DNAH11: variants seen among roughly 807,000 people sequenced by gnomAD.
DNAH11 encodes dynein axonemal heavy chain 11.
DNAH11 carries 442 observed loss-of-function variants against 526.0 expected under a neutral mutation model. That is an observed-to-expected ratio of 0.84 (90% confidence interval 0.78 to 0.91). DNAH11 has a LOEUF of 0.91. Among genes scored for constraint, DNAH11 ranks in the 40% least tolerant of loss-of-function variants. DNAH11 has a pLI of 0.00. For synonymous variants in DNAH11, 2,461 were observed against 1,935.9 expected (o/e 1.27, Z -7.12); for missense variants, 6,989 against 5,448.7 (o/e 1.28, Z -8.90).
At chr7:21,697,820 T>G (rs138829238) in intron 35 of DNAH11, among the ~76,000 whole-genome samples, 399 of 152,332 alleles carry the variant, frequency 2.6e-3, no homozygotes, top group African/African-American at 9.1e-3. Context: ...GTTTACAGAA[T>G]GTATTCATGG....
intron 69 of DNAH11, among the ~76,000 whole-genome samples, chr7:21,863,712 T>C (rs1350120860): frequency 6.6e-6 from 1 of 152,238 alleles, no homozygotes; most frequent in Non-Finnish European, 1.5e-5. Context: ...GCCATAGCTA[T>C]ATCATAATCT....
Position 21,778,986 on chromosome 7 carries a change from C to G in DNAH11, c.9365C>G (p.Ser3122Cys), listed in dbSNP as rs1200687831. The change falls in exon 57 of 82, where the codon TCT becomes TGT. Residue 3122 changes from serine (S) to cysteine (C), a missense_variant. Transcript: ENST00000409508. ...QVGDLKARLA[S>C]QEAELQLRNH... is the part of the protein sequence containing the mutation. ...GGAGATCTAAAAGCCAGACTTGCCT[C>G]TCAAGAAGCCGAGCTGCAACTGAGA... 2.5e-6 allele frequency: 4 copies of G among 1,613,196 alleles called. No homozygotes were observed. Among genetic ancestry groups the G allele is most frequent in the Non-Finnish European group, 3.4e-6 (4 of 1,179,494 alleles).
In DNAH11 at chr7:21,687,484, C is replaced by G. The variant is rs763100320; in HGVS notation, c.5881C>G (p.Gln1961Glu). Residue 1961 changes from glutamine (Q) to glutamate (E), a missense_variant, in exon 34 of 82, where the codon CAA becomes GAA. Coordinates refer to ENST00000409508, the MANE Select transcript of DNAH11 (RefSeq NM_001277115.2). ...SVEVLSVVAV[Q>E]VKMIHDAIRN... The stretch of plus-strand genomic sequence containing the variant: ...GGAAGTTCTGTCAGTGGTGGCAGTA[C>G]AAGTGAAAATGATTCATGATGCCAT... 7 of 1,613,640 alleles carry G rather than the reference C, an allele frequency of 4.3e-6. No individual in the cohort carries two copies. The highest frequency in any genetic ancestry group is 5.1e-6 in the Non-Finnish European group (6 of 1,179,824).
chr7:21,890,554 A>G (rs970583438), intron 76 of DNAH11, among the ~76,000 whole-genome samples: 4 of 152,218 alleles, frequency 2.6e-5, no homozygotes, highest in Non-Finnish European at 4.4e-5. Flanking sequence ...GCACAAACAG[A>G]GAAGACCAAC....
rs750882575 is a variant in DNAH11 at position 21,818,293 on chromosome 7, C to A, written c.10645C>A (p.Pro3549Thr). The A allele has an allele frequency of 2.5e-6, 4 of 1,611,868 alleles. No homozygotes were observed. In the Admixed American group the frequency reaches 5.0e-5, roughly 20 times the overall value. The part of the protein sequence containing the change: ...LIENLEETID[P>T]VLDPLLGRNT... ...TGAAAATCTCGAGGAAACGATAGAT[C>A]CAGTCCTGGATCCACTACTTGGCAG... is the stretch of plus-strand genomic sequence containing the variant. The change falls in exon 65 of 82, where the codon CCA (proline) becomes ACA (threonine). Residue 3549 changes from proline (P) to threonine (T), a missense_variant. By Grantham distance (38) the Pro-to-Thr change is conservative. Transcript: ENST00000409508.
chr7:21,754,913 A>G (rs1786563477), intron 54 of DNAH11, among the ~76,000 whole-genome samples: 1 of 152,190 alleles, frequency 6.6e-6, no homozygotes, highest in Non-Finnish European at 1.5e-5. Context: ...AAAGAATTCC[A>G]AATTGCTCTA....
intron 66 of DNAH11, among the ~76,000 whole-genome samples, chr7:21,843,879 G>A (rs1782312839): frequency 6.6e-6 from 1 of 152,176 alleles, no homozygotes; most frequent in Non-Finnish European, 1.5e-5. Flanking sequence ...TGGCAATAGT[G>A]TGTCTCAAAA....
chr7:21,672,295 CT>C (rs1782669613), intron 30 of DNAH11, among the ~76,000 whole-genome samples: 1 of 152,110 alleles, frequency 6.6e-6, no homozygotes, highest in South Asian at 2.1e-4. Context: ...CTCCAGACTA[CT>C]TTTCTAAGAG....
intron 66 of DNAH11, among the ~76,000 whole-genome samples, chr7:21,845,138 T>C (rs762947916): frequency 1.3e-5 from 2 of 152,204 alleles, no homozygotes; most frequent in African/African-American, 2.4e-5. Flanking sequence ...TTATTGGATA[T>C]GTGACTTATA....
chr7:21,567,151 G>A (rs1454120239), intron 6 of DNAH11, among the ~76,000 whole-genome samples: 1 of 152,044 alleles, frequency 6.6e-6, no homozygotes, highest in African/African-American at 2.4e-5. Flanking sequence ...ATGTGTAAAA[G>A]CTTTCACTAT....
intron 25 of DNAH11, among the ~76,000 whole-genome samples, chr7:21,634,596 T>C (rs1297766321): frequency 6.6e-6 from 1 of 152,194 alleles, no homozygotes; most frequent in Non-Finnish European, 1.5e-5. Flanking sequence ...AAACAAGCAC[T>C]GCTGAGCTAA....
At chr7:21,608,134 A>T (rs1004753999) in intron 20 of DNAH11, among the ~76,000 whole-genome samples, 33 of 151,812 alleles carry the variant, frequency 2.2e-4, no homozygotes, top group African/African-American at 7.0e-4. Flanking sequence ...AAGGAAGCCC[A>T]TAACTTATTC....
intron 79 of DNAH11, among the ~76,000 whole-genome samples, chr7:21,896,254 GTA>G (rs1784511599): frequency 6.6e-6 from 1 of 152,132 alleles, no homozygotes; most frequent in South Asian, 2.1e-4. Flanking sequence ...TTTTATCAGA[GTA>G]TAAAATATAG....
At chr7:21,898,829 G>T (rs544448466) in intron 79 of DNAH11, among the ~76,000 whole-genome samples, 7 of 152,194 alleles carry the variant, frequency 4.6e-5, no homozygotes, top group African/African-American at 1.7e-4. Flanking sequence ...CCCACTTTCA[G>T]GCAGCTACTG....
rs749387527 is a variant in DNAH11 at position 21,558,984 on chromosome 7, T to C, written c.678T>C (p.Asn226=). ...CAGGAAAGATGGATCTGGATCAGAATTGTTCAGAGAACAAGTACGTAACAG... is the reference window on the plus strand; with the variant it reads ...CAGGAAAGATGGATCTGGATCAGAACTGTTCAGAGAACAAGTACGTAACAG... ...TVAGKMDLDQ[N]CSENKPPSNE... Residue 226 remains asparagine (N), a synonymous_variant, in exon 3 of 82, where the codon AAT becomes AAC. Transcript: ENST00000409508. The C allele has an allele frequency of 4.4e-6, 7 of 1,579,322 alleles. No individual in the cohort carries two copies. The highest frequency in any genetic ancestry group is 5.2e-6 in the Non-Finnish European group (6 of 1,161,228).
In DNAH11 at chr7:21,604,913, C is replaced by T. The variant is rs554702463; in HGVS notation, c.3649-1513C>T. Among the ~76,000 whole-genome samples the T allele has an allele frequency of 4.6e-5, 7 of 152,200 alleles. No individual in the cohort carries two copies. In the South Asian group the frequency reaches 8.3e-4, roughly 18 times the overall value. On this transcript the variant is annotated intron_variant, in intron 18 of 81. Transcript: ENST00000409508. ...GATGCAGAGTTTTGATGAGAAGCCA[C>T]GAGAGGGAAGGACAAAGGGGTTTAA...
In DNAH11 at chr7:21,773,888, A is replaced by G; in HGVS notation, c.9225A>G (p.Leu3075=). 5.0e-6 allele frequency: 8 copies of G among 1,605,350 alleles called. No homozygotes were observed. Among genetic ancestry groups the G allele is most frequent in the Non-Finnish European group, 6.8e-6 (8 of 1,175,716 alleles). ...ACTATACCACCCCAAAGAGTTTTCT[A>G]GAACAAATATCACTGTTTAAGAACC... ...RHNYTTPKSF[L]EQISLFKNLL... is the part of the protein sequence containing the mutation. Residue 3075 remains leucine, a synonymous_variant, in exon 56 of 82, where the codon CTA becomes CTG. Transcript: ENST00000409508.
chr7:21,766,081 C>CCCA (rs1787174670), intron 55 of DNAH11, among the ~76,000 whole-genome samples: 1 of 152,134 alleles, frequency 6.6e-6, no homozygotes, highest in South Asian at 2.1e-4. Flanking sequence ...CCCATAACCA[C>CCCA]TAAGTCAAAT....
chr7:21,751,397 C>T (rs1211335870), intron 54 of DNAH11, among the ~76,000 whole-genome samples: 1 of 152,112 alleles, frequency 6.6e-6, no homozygotes. Context: ...CTGCTCTGTG[C>T]TATAGTGTAT....
Sources: gnomAD v4.1 joint callset for allele counts (sites outside exome capture counted in the v4.1 genomes callset) on GRCh38, gnomAD v4.1.1 for gene constraint, MANE v1.5 for transcripts, NCBI Gene and HGNC (gene_info 2026-07-23, HGNC 2026-07-21) for gene names.